The following MEI1 variants were observed in gnomAD, a reference collection of about 807,000 sequenced individuals.
MEI1 encodes meiosis inhibitor protein 1.
A neutral mutation model predicts 146.2 loss-of-function variants in MEI1; 103 were observed. The ratio of observed to expected loss-of-function variants is 0.70; its 90% confidence interval spans 0.60 to 0.83. The LOEUF (loss-of-function observed/expected upper bound fraction) is 0.83. Among genes scored for constraint, MEI1 ranks in the 40% least tolerant of loss-of-function variants. MEI1 has a pLI of 0.00. For synonymous variants in MEI1, 652 were observed against 628.2 expected (o/e 1.04, Z -0.57); for missense variants, 1,529 against 1,533.0 (o/e 1.00, Z 0.04).
chr22:41,707,548 T>C (rs1304251046), intron 3 of MEI1, among the ~76,000 whole-genome samples: 1 of 152,096 alleles, frequency 6.6e-6, no homozygotes, highest in Admixed American at 6.6e-5. Context: ...ATTGTGTGGG[T>C]CTGTGGTCCT....
At chr22:41,705,467 G>T (rs944328229) in intron 2 of MEI1, 37 bp from the exon 3 acceptor site, 16 of 1,606,622 alleles carry the variant, frequency 1.0e-5, no homozygotes, top group Non-Finnish European at 4.3e-6. Context: ...ACCGCGCCCT[G>T]CCTAACCACC....
At chr22:41,745,582 A>G (rs1432478507) in intron 13 of MEI1, among the ~76,000 whole-genome samples, 1 of 152,112 alleles carries the variant, frequency 6.6e-6, no homozygotes, top group African/African-American at 2.4e-5. Flanking sequence ...AGATAGAGAG[A>G]GCAGCATATT....
intron 14 of MEI1, 108 bp from the exon 15 acceptor site, chr22:41,747,999 G>A: frequency 2.7e-6 from 2 of 730,088 alleles, no homozygotes; most frequent in South Asian, 3.3e-5. Flanking sequence ...CTTTTGTTGT[G>A]TCTTTCAAGT....
chr22:41,781,746 C>T lies in MEI1; in HGVS notation c.2988C>T (p.Leu996=). ...LMELLEKMLA[L]TLAKADSPRT... is the part of the protein sequence containing the mutation. Reference sequence around the variant, plus strand: ...AGCTTCTGGAGAAGATGCTGGCCCTCACCTTGGCAAAGGCAGATTCTCCCA... The same window carrying T: ...AGCTTCTGGAGAAGATGCTGGCCCTTACCTTGGCAAAGGCAGATTCTCCCA... The change falls in exon 24 of 31, where the codon CTC becomes CTT. Residue 996 remains leucine, a synonymous_variant. Transcript: ENST00000401548. The T allele has an allele frequency of 6.2e-7, 1 of 1,613,952 alleles. No individual in the cohort carries two copies. The highest frequency in any genetic ancestry group is 8.5e-7 in the Non-Finnish European group (1 of 1,179,908).
At position 41,700,498 on chromosome 22, in the gene MEI1, T is replaced by G. The variant is rs562621878; in HGVS notation, c.174+786T>G. Among the ~76,000 whole-genome samples the G allele has an allele frequency of 7.2e-5, 11 of 152,286 alleles. No individual in the cohort carries two copies. In the South Asian group the frequency reaches 2.3e-3, roughly 32 times the overall value. On this transcript the variant is annotated intron_variant, in intron 1 of 30. Coordinates refer to ENST00000401548, the MANE Select transcript of MEI1 (RefSeq NM_152513.4). The stretch of plus-strand genomic sequence containing the variant: ...GGCTCCCGCCACCACGCTCGGCTAA[T>G]TTCTCTATTTTTAGTAGAGACGGAG...
chr22:41,790,245 G>C (rs1422194699), intron 26 of MEI1, among the ~76,000 whole-genome samples: 1 of 152,044 alleles, frequency 6.6e-6, no homozygotes, highest in Non-Finnish European at 1.5e-5. Flanking sequence ...ACCATACCTG[G>C]CTAATTTTTT....
rs541943670 is a variant in MEI1, at chr22:41,759,686, G to A, written c.2120+1153G>A. On this transcript the variant is annotated intron_variant, in intron 18 of 30. Coordinates refer to ENST00000401548, the MANE Select transcript of MEI1 (RefSeq NM_152513.4). Reference sequence around the variant, plus strand: ...AAAAATAAAAATACAAAAATCAGCCGGGCATGGTGGCAGGCGCCTGTAGTC... The same window carrying A: ...AAAAATAAAAATACAAAAATCAGCCAGGCATGGTGGCAGGCGCCTGTAGTC... 8.7e-5 allele frequency among the ~76,000 whole-genome samples: 13 copies of A among 149,870 alleles called. No homozygotes were observed. In the South Asian group the frequency reaches 2.1e-3, roughly 24 times the overall value.
At chr22:41,766,403 C>T (rs1038676171) in intron 19 of MEI1, among the ~76,000 whole-genome samples, 1 of 147,256 alleles carries the variant, frequency 6.8e-6, no homozygotes, top group African/African-American at 2.5e-5. Context: ...AACTCCTGAC[C>T]TTCTGATCCA....
intron 18 of MEI1, among the ~76,000 whole-genome samples, chr22:41,759,660 T>TAAATAAATAAATAAAG (rs767840041): frequency 1.0e-5 from 1 of 96,432 alleles, no homozygotes; most frequent in African/African-American, 3.4e-5. Flanking sequence ...AATAAATAAA[T>TAAATAAATAAATAAAG]AAAAATAAAA....
At chr22:41,778,866 G>C in intron 22 of MEI1, 54 bp downstream of exon 22, 2 of 1,284,122 alleles carry the variant, frequency 1.6e-6, no homozygotes, top group African/African-American at 1.5e-5. Context: ...ACGTGCAGTG[G>C]GTGCTCACTA....
intron 11 of MEI1, among the ~76,000 whole-genome samples, chr22:41,741,395 C>A (rs952981203): frequency 1.3e-5 from 2 of 152,322 alleles, no homozygotes; most frequent in East Asian, 3.9e-4. Context: ...TAATCATCAA[C>A]TTACAATGCA....
At position 41,794,474 on chromosome 22, in the gene MEI1, C is replaced by T. The variant is rs751565136; in HGVS notation, c.3531C>T (p.Thr1177=). The change falls in exon 28 of 31, where the codon ACC becomes ACT. Residue 1177 remains threonine, a synonymous_variant. Transcript: ENST00000401548. ...FLRPEILRLM[T]LFMRYRSSSV... is the part of the protein sequence containing the mutation. ...GACCTGAGATTTTGAGGCTCATGAC[C>T]CTGGTAAGTGCAGAAAGGATATCTT... The T allele has an allele frequency of 1.4e-5, 23 of 1,612,236 alleles. No individual in the cohort carries two copies. Among genetic ancestry groups the T allele is most frequent in the Non-Finnish European group, 2.0e-5 (23 of 1,178,458 alleles).
chr22:41,723,823 C>T, intron 6 of MEI1, 120 bp from the exon 7 acceptor site: 1 of 1,259,898 alleles, frequency 7.9e-7, no homozygotes, highest in Non-Finnish European at 1.1e-6. Context: ...GGATTCTAAC[C>T]ATTCTTCATA....
rs923550249 is a variant in MEI1 at position 41,720,195 on chromosome 22, A to G, written c.733+1921A>G. ...GAAAGGATGCCTGGACTGAGTCCTA[A>G]ATTGGGGGGGAGAGGAGGAAGGCAG... On this transcript the variant is annotated intron_variant, in intron 6 of 30. Transcript: ENST00000401548. 2.0e-5 allele frequency among the ~76,000 whole-genome samples: 3 copies of G among 152,004 alleles called. No individual in the cohort carries two copies. In the East Asian group the frequency reaches 5.8e-4, roughly 29 times the overall value.
intron 18 of MEI1, among the ~76,000 whole-genome samples, chr22:41,761,188 G>A (rs2074462702): frequency 6.6e-6 from 1 of 152,040 alleles, no homozygotes; most frequent in South Asian, 2.1e-4. Flanking sequence ...GCGAGCGTCT[G>A]TAATCCCAGC....
At chr22:41,759,649 A>G (rs1281090333) in intron 18 of MEI1, among the ~76,000 whole-genome samples, 2 of 149,788 alleles carry the variant, frequency 1.3e-5, no homozygotes, top group Non-Finnish European at 3.0e-5. Context: ...ATAAATAAAT[A>G]AATAAATAAA....
At chr22:41,792,566 A>G (rs2076216481) in intron 26 of MEI1, among the ~76,000 whole-genome samples, 1 of 152,172 alleles carries the variant, frequency 6.6e-6, no homozygotes, top group African/African-American at 2.4e-5. Flanking sequence ...ATCCTGGGTC[A>G]CATGGGGTGA....
At chr22:41,791,580 G>A (rs1040912941) in intron 26 of MEI1, among the ~76,000 whole-genome samples, 1 of 152,172 alleles carries the variant, frequency 6.6e-6, no homozygotes, top group African/African-American at 2.4e-5. Context: ...ACAAGAGGCT[G>A]TACATGCAGA....
intron 18 of MEI1, 85 bp downstream of exon 18, chr22:41,758,618 A>G (rs2074254893): frequency 1.4e-6 from 2 of 1,384,556 alleles, no homozygotes; most frequent in Admixed American, 2.3e-5. Context: ...CATCTCTCCA[A>G]GCCTGATGCT....
Sources: gnomAD v4.1 joint callset for allele counts (sites outside exome capture counted in the v4.1 genomes callset) on GRCh38, gnomAD v4.1.1 for gene constraint, MANE v1.5 for transcripts, NCBI Gene and HGNC (gene_info 2026-07-23, HGNC 2026-07-21) for gene names.